The following SDHAF3 variants were observed in gnomAD, a reference collection of about 807,000 sequenced individuals.
SDHAF3 encodes succinate dehydrogenase assembly factor 3, mitochondrial.
SDHAF3 carries 18 observed loss-of-function variants against 11.5 expected under a neutral mutation model. The ratio of observed to expected loss-of-function variants is 1.56; its 90% CI spans 1.08 to 2.32. The LOEUF (loss-of-function observed/expected upper bound fraction) is 2.32, where lower values mean the gene tolerates loss of function less well. SDHAF3 is among the 30% of genes most tolerant of loss of function. SDHAF3 has a pLI of 0.00. For synonymous variants in SDHAF3, 72 were observed against 59.3 expected, an observed-to-expected ratio of 1.21 and a Z score of -0.99; for missense variants, 200 against 154.4, an observed-to-expected ratio of 1.30 and a Z score of -1.57.
intron 1 of SDHAF3, among the ~76,000 whole-genome samples, chr7:97,154,666 ATTC>A (rs549836861): frequency 8.4e-4 from 128 of 152,088 alleles, no homozygotes; most frequent in African/African-American, 3.1e-3. Context: ...TTTTGGGGTT[ATTC>A]TTTTGGTGTC....
intron 1 of SDHAF3, among the ~76,000 whole-genome samples, chr7:97,152,114 T>C (rs1426802172): frequency 6.6e-6 from 1 of 152,160 alleles, no homozygotes; most frequent in Non-Finnish European, 1.5e-5. Flanking sequence ...CCCTAAAAAT[T>C]CTCTCTGCCC....
chr7:97,174,038 G>A (rs912681779), intron 1 of SDHAF3, among the ~76,000 whole-genome samples: 2 of 151,918 alleles, frequency 1.3e-5, no homozygotes, highest in African/African-American at 4.8e-5. Flanking sequence ...TCCTGCCTCA[G>A]CCTTCTGAGT....
rs146813991 is a variant in SDHAF3, at chr7:97,132,717, G to A, written c.174+14820G>A. 3.9e-3 allele frequency among the ~76,000 whole-genome samples: 594 copies of A among 152,238 alleles called. 2 individuals are homozygous for A. Among genetic ancestry groups the A allele is most frequent in the African/African-American group, 0.014 (568 of 41,542 alleles). On this transcript the variant is annotated intron_variant, in intron 1 of 1. Coordinates refer to ENST00000432641, the MANE Select transcript of SDHAF3 (RefSeq NM_020186.3). ...TGGGAGGGGATATAGGTTAACTGTTGGTTTGTCTTCTTCTGACACATCAAT... is the reference window on the plus strand; with the variant it reads ...TGGGAGGGGATATAGGTTAACTGTTAGTTTGTCTTCTTCTGACACATCAAT...
intron 1 of SDHAF3, among the ~76,000 whole-genome samples, chr7:97,140,421 C>G (rs1040895965): frequency 6.9e-6 from 1 of 145,374 alleles, no homozygotes; most frequent in Non-Finnish European, 1.5e-5. Flanking sequence ...TCTTGGCTCA[C>G]TGCAAGCTCC....
intron 1 of SDHAF3, among the ~76,000 whole-genome samples, chr7:97,169,569 A>G (rs1467549360): frequency 6.6e-6 from 1 of 152,178 alleles, no homozygotes; most frequent in African/African-American, 2.4e-5. Context: ...TAAATTGGTG[A>G]TTTTCTAAAC....
At chr7:97,147,207 T>C (rs1043624980) in intron 1 of SDHAF3, among the ~76,000 whole-genome samples, 2 of 152,232 alleles carry the variant, frequency 1.3e-5, no homozygotes, top group African/African-American at 4.8e-5. Flanking sequence ...TATTTGGGTA[T>C]GAATATAAGT....
At chr7:97,126,507 G>A (rs894738662) in intron 1 of SDHAF3, among the ~76,000 whole-genome samples, 3 of 152,168 alleles carry the variant, frequency 2.0e-5, no homozygotes, top group Non-Finnish European at 4.4e-5. Context: ...TTTCAGAGAT[G>A]CCCTGCCCAG....
intron 1 of SDHAF3, among the ~76,000 whole-genome samples, chr7:97,156,392 A>G (rs1243282409): frequency 6.6e-6 from 1 of 152,172 alleles, no homozygotes; most frequent in Non-Finnish European, 1.5e-5. Context: ...TTTTTACCTC[A>G]TTAATGTGGC....
At chr7:97,154,606 C>T (rs1164610653) in intron 1 of SDHAF3, among the ~76,000 whole-genome samples, 1 of 151,970 alleles carries the variant, frequency 6.6e-6, no homozygotes, top group East Asian at 1.9e-4. Flanking sequence ...CAGTCTTTTT[C>T]AGAGCAGAAG....
chr7:97,117,940 C>T (rs767333167), intron 1 of SDHAF3, 43 bp downstream of exon 1: 1 of 1,598,934 alleles, frequency 6.3e-7, no homozygotes, highest in Non-Finnish European at 8.5e-7. Flanking sequence ...CTTTGGGGTT[C>T]CTCGGTGTCC....
chr7:97,152,032 T>C (rs945788667), intron 1 of SDHAF3, among the ~76,000 whole-genome samples: 3 of 152,204 alleles, frequency 2.0e-5, no homozygotes, highest in African/African-American at 4.8e-5. Flanking sequence ...GTTTTCTTAC[T>C]TTCTGTGAGT....
intron 1 of SDHAF3, chr7:97,142,891 T>A (rs1201750903): frequency 9.9e-6 from 1 of 100,958 alleles, no homozygotes; most frequent in East Asian, 5.2e-4. Context: ...TCTTAAATTC[T>A]TTTTTTTTTT....
intron 1 of SDHAF3, among the ~76,000 whole-genome samples, chr7:97,160,673 T>G (rs1248679531): frequency 6.6e-6 from 1 of 151,998 alleles, no homozygotes; most frequent in South Asian, 2.1e-4. Flanking sequence ...CTGTAAGCGG[T>G]TGTAAATATG....
intron 1 of SDHAF3, among the ~76,000 whole-genome samples, chr7:97,131,983 T>C (rs1263669103): frequency 1.3e-5 from 2 of 152,212 alleles, no homozygotes; most frequent in Non-Finnish European, 2.9e-5. Context: ...AACTGTAACA[T>C]AATTACATAT....
At chr7:97,140,269 G>T (rs1341574632) in intron 1 of SDHAF3, among the ~76,000 whole-genome samples, 1 of 150,596 alleles carries the variant, frequency 6.6e-6, no homozygotes, top group Non-Finnish European at 1.5e-5. Flanking sequence ...ATTCTTAATT[G>T]ATTAATTCTT....
intron 1 of SDHAF3, among the ~76,000 whole-genome samples, chr7:97,118,245 C>T (rs1791439330): frequency 1.3e-5 from 2 of 152,070 alleles, no homozygotes. Flanking sequence ...TAGTAAGCGC[C>T]CATTAATAAA....
intron 1 of SDHAF3, among the ~76,000 whole-genome samples, chr7:97,153,896 T>G (rs1032987826): frequency 6.6e-6 from 1 of 152,212 alleles, no homozygotes; most frequent in Non-Finnish European, 1.5e-5. Flanking sequence ...TATAGTGATA[T>G]CTCGTGTTTT....
At position 97,175,298 on chromosome 7, in the gene SDHAF3, G is replaced by T. The variant is rs183030752; in HGVS notation, c.175-5714G>T. 5.0e-3 allele frequency among the ~76,000 whole-genome samples: 761 copies of T among 152,072 alleles called. 8 individuals carry two copies. The highest frequency in any genetic ancestry group is 6.8e-3 in the Middle Eastern group (2 of 294). Reference sequence around the variant, plus strand: ...TTTAGATTTTAATTTTAGGTTTGAGGGTACATGTGAAGGTTTGTTGCATAG... The same window carrying T: ...TTTAGATTTTAATTTTAGGTTTGAGTGTACATGTGAAGGTTTGTTGCATAG... On this transcript the variant is annotated intron_variant, in intron 1 of 1. Coordinates refer to ENST00000432641, the MANE Select transcript of SDHAF3 (RefSeq NM_020186.3).
chr7:97,175,594 C>T (rs1372466562), intron 1 of SDHAF3, among the ~76,000 whole-genome samples: 4 of 152,098 alleles, frequency 2.6e-5, no homozygotes, highest in African/African-American at 9.7e-5. Flanking sequence ...TCGACCATAC[C>T]AGTAATTTAA....
Sources: gnomAD v4.1 joint callset for allele counts (sites outside exome capture counted in the v4.1 genomes callset) on GRCh38, gnomAD v4.1.1 for gene constraint, MANE v1.5 for transcripts, NCBI Gene and HGNC (gene_info 2026-07-23, HGNC 2026-07-21) for gene names.